The following TFR2 variants were observed in gnomAD, a reference collection of about 807,000 sequenced individuals.
TFR2 encodes the protein transferrin receptor 2, also known as transferrin receptor protein 2.
TFR2 carries 64 observed loss-of-function variants against 91.9 expected under a neutral mutation model. That is an observed-to-expected ratio of 0.70 (90% CI 0.57 to 0.86). TFR2 has a LOEUF of 0.86. TFR2 is among the 40% of genes least tolerant of loss of function. The pLI is 0.00. For missense variants in TFR2, 950 were observed against 1,080.5 expected, an observed-to-expected ratio of 0.88 and a Z score of 1.69; for synonymous variants, 454 against 459.6, an observed-to-expected ratio of 0.99 and a Z score of 0.15.
intron 3 of TFR2, among the ~76,000 whole-genome samples, chr7:100,637,152 C>T (rs1156242430): frequency 6.6e-6 from 1 of 152,068 alleles, no homozygotes; most frequent in African/African-American, 2.4e-5. Context: ...GTAATCCCAG[C>T]ACTTTGGGAG....
intron 9 of TFR2, among the ~76,000 whole-genome samples, chr7:100,629,629 C>T (rs140054060): frequency 6.0e-4 from 92 of 152,368 alleles, no homozygotes; most frequent in African/African-American, 1.9e-3. Flanking sequence ...GTGATCATAG[C>T]TCACTGCAGC....
Position 100,633,352 on chromosome 7 carries a change from G to A in TFR2, c.615-12C>T, listed in dbSNP as rs771264157. 8 of 1,610,898 alleles carry A rather than the reference G, an allele frequency of 5.0e-6. No individual in the cohort carries two copies. The highest frequency in any genetic ancestry group is 1.7e-4 in the Middle Eastern group (1 of 5,964). ...TGTTGGGGTGAGCCCTGGGGAGCGG[G>A]GCTGGTGAGCGCCCCGAGCCGCGTC... On this transcript the variant is annotated splice_polypyrimidine_tract_variant and intron_variant, in intron 4 of 17. Transcript: ENST00000223051.
chr7:100,620,498 T>G lies in TFR2; in HGVS notation c.*359A>C. The G allele has an allele frequency of 4.3e-6, 1 of 233,998 alleles. No homozygotes were observed. Among genetic ancestry groups the G allele is most frequent in the African/African-American group, 2.2e-5 (1 of 44,822 alleles). The allele number at this position is 233,998 out of a possible 1,614,324, so 14.5% of individuals were successfully genotyped here. A position where few individuals can be genotyped will look rare whatever the true frequency, so the allele number is the denominator to read the frequency against. ...AGACCACCTGTTGGCCATAAGGCTA[T>G]GGTGCCAGCGATCTCTCCCACTAAC... On this transcript the variant is annotated 3_prime_UTR_variant, in exon 18 of 18. Transcript: ENST00000223051.
rs747076627 is a variant in TFR2 at position 100,630,908 on chromosome 7, G to A, written c.1251C>T (p.Ile417=). ...STPINNIFGC[I]EGRSEPDHYV... ...GCATACCTGGCTCTGAGCGGCCTTC[G>A]ATGCAGCCGAAGATGTTGTTGATGG... is the stretch of plus-strand genomic sequence containing the variant. Residue 417 remains isoleucine (I), a synonymous_variant, in exon 9 of 18, where the codon ATC becomes ATT. Transcript: ENST00000223051. The A allele has an allele frequency of 2.2e-5, 35 of 1,613,012 alleles. No individual in the cohort carries two copies. The highest frequency in any genetic ancestry group is 1.2e-4 in the African/African-American group (9 of 75,014).
At position 100,627,982 on chromosome 7, in the gene TFR2, A is replaced by AAGGGG. The variant is rs778860645; in HGVS notation, c.1538-13_1538-9dup. 6.2e-7 allele frequency: 1 copy of AAGGGG among 1,613,962 alleles called. No individual in the cohort carries two copies. Among genetic ancestry groups the AAGGGG allele is most frequent in the Admixed American group, 1.7e-5 (1 of 60,020 alleles). On this transcript the variant is annotated splice_polypyrimidine_tract_variant and intron_variant, in intron 12 of 17. Transcript: ENST00000223051. Reference sequence around the variant, plus strand: ...CATGAAACTTGTCATCCCCTGGAAAAAGGGGAGGGGAGGGATGCCAGGCTC... The same window carrying AAGGGG: ...CATGAAACTTGTCATCCCCTGGAAAAAGGGGAGGGGAGGGGAGGGATGCCAGGCTC...
chr7:100,632,551 CTTT>C (rs1266109813), intron 6 of TFR2, among the ~76,000 whole-genome samples: 3 of 127,610 alleles, frequency 2.4e-5, no homozygotes, highest in Admixed American at 7.8e-5. Flanking sequence ...GTTTCTCTCT[CTTT>C]TTTTTTTTTT....
rs1357723414 is a variant in TFR2 at position 100,626,799 on chromosome 7, C to T, written c.2100G>A (p.Glu700=). 1.3e-6 allele frequency: 2 copies of T among 1,548,484 alleles called. No individual in the cohort carries two copies. Among genetic ancestry groups the T allele is most frequent in the African/African-American group, 1.4e-5 (1 of 73,042 alleles). Residue 700 remains glutamate (E), a synonymous_variant, in exon 17 of 18, where the codon GAG becomes GAA. Coordinates refer to ENST00000223051, the MANE Select transcript of TFR2 (RefSeq NM_003227.4). ...GCACGTTGTACATGCGTGTCAGTCG[C>T]TCGTCTCTCTCCTCCGAGCTGTAGA... ...QEIYSSEERD[E]RLTRMYNVRI...
intron 3 of TFR2, among the ~76,000 whole-genome samples, chr7:100,634,055 C>G (rs1803525768): frequency 6.6e-6 from 1 of 151,988 alleles, no homozygotes; most frequent in Admixed American, 6.6e-5. Flanking sequence ...GCGCCGGAGA[C>G]TCTCAGGACC....
intron 3 of TFR2, among the ~76,000 whole-genome samples, chr7:100,639,283 C>T (rs1192185669): frequency 3.3e-5 from 5 of 152,192 alleles, no homozygotes; most frequent in African/African-American, 4.8e-5. Context: ...ATGAGAATCG[C>T]GTGAACCTGG....
intron 17 of TFR2, 79 bp downstream of exon 17, chr7:100,626,684 G>C: frequency 2.0e-6 from 3 of 1,523,106 alleles, no homozygotes; most frequent in Non-Finnish European, 2.6e-6. Flanking sequence ...GGAGCGCGCA[G>C]ACGGGGCCAG....
intron 17 of TFR2, among the ~76,000 whole-genome samples, chr7:100,625,198 T>C (rs1584454484): frequency 6.6e-6 from 1 of 151,858 alleles, no homozygotes; most frequent in South Asian, 2.1e-4. Context: ...TAGCTGGGAT[T>C]ACAGGCGTGT....
chr7:100,635,085 C>G (rs1388738659), intron 3 of TFR2, among the ~76,000 whole-genome samples: 1 of 150,076 alleles, frequency 6.7e-6, no homozygotes, highest in African/African-American at 2.5e-5. Flanking sequence ...ACCACAGGCG[C>G]CTACCACCAC....
At chr7:100,635,171 C>T (rs913011793) in intron 3 of TFR2, among the ~76,000 whole-genome samples, 1 of 151,946 alleles carries the variant, frequency 6.6e-6, no homozygotes, top group African/African-American at 2.4e-5. Context: ...AACTCCTGGC[C>T]TCAGGCAATC....
At chr7:100,637,318 G>C (rs1301694713) in intron 3 of TFR2, among the ~76,000 whole-genome samples, 1 of 151,926 alleles carries the variant, frequency 6.6e-6, no homozygotes, top group Admixed American at 6.6e-5. Flanking sequence ...AGAATCGCTT[G>C]AACCCGGGAG....
chr7:100,641,011 T>G lies in TFR2; in HGVS notation c.251A>C (p.Tyr84Ser), dbSNP rs1172644275. 6.2e-7 allele frequency: 1 copy of G among 1,604,614 alleles called. No individual in the cohort carries two copies. The highest frequency in any genetic ancestry group is 2.2e-5 in the East Asian group (1 of 44,682). The change falls in exon 2 of 18, where the codon TAC becomes TCC. Residue 84 changes from tyrosine (Y) to serine (S), a missense_variant. Physicochemically the swap from Tyr to Ser is moderately radical, Grantham distance 144 (BLOSUM62 -2). Coordinates refer to ENST00000223051, the MANE Select transcript of TFR2 (RefSeq NM_003227.4). Reference protein sequence around the residue: ...WAAAGRRAAPYLVLTALLIFT... With the variant: ...WAAAGRRAAPSLVLTALLIFT... The stretch of plus-strand genomic sequence containing the variant: ...GATCAGCAGGGCCGTCAGGACCAGG[T>G]AGGGGGCAGCCCTCCGTCCTGCTGC...
chr7:100,630,752 C>T, intron 9 of TFR2, 137 bp downstream of exon 9: 1 of 1,258,966 alleles, frequency 7.9e-7, no homozygotes, highest in Non-Finnish European at 1.1e-6. Flanking sequence ...CCTCAACTTG[C>T]CAGCTTCCCT....
chr7:100,630,756 C>T, intron 9 of TFR2, 133 bp downstream of exon 9: 2 of 1,301,590 alleles, frequency 1.5e-6, no homozygotes, highest in Non-Finnish European at 2.1e-6. Flanking sequence ...AACTTGCCAG[C>T]TTCCCTCCTC....
rs1340234682 is a variant in TFR2, at chr7:100,633,564, G to A, written c.474-8C>T. ...TCCCGAAGGCTGGTTTGCCTAAGCGGGGAGAGGTGGGGACTTTTCTGGGCG... is the reference window on the plus strand; with the variant it reads ...TCCCGAAGGCTGGTTTGCCTAAGCGAGGAGAGGTGGGGACTTTTCTGGGCG... On this transcript the variant is annotated splice_region_variant and splice_polypyrimidine_tract_variant and intron_variant, in intron 3 of 17. Coordinates refer to ENST00000223051, the MANE Select transcript of TFR2 (RefSeq NM_003227.4). 6.3e-7 allele frequency: 1 copy of A among 1,597,460 alleles called. No homozygotes were observed. The highest frequency in any genetic ancestry group is 1.1e-5 in the South Asian group (1 of 90,804).
Position 100,620,825 on chromosome 7 carries a change from T to A in TFR2, c.*32A>T. ...AGCGAGGAGCAGAGGAGCTCTTGAC[T>A]GGGGGACGGGGATGTGAGGATCCCC... is the stretch of plus-strand genomic sequence containing the variant. On this transcript the variant is annotated 3_prime_UTR_variant, in exon 18 of 18. Transcript: ENST00000223051. 1 of 1,613,332 alleles carries A rather than the reference T, an allele frequency of 6.2e-7. No individual in the cohort carries two copies. The highest frequency in any genetic ancestry group is 8.5e-7 in the Non-Finnish European group (1 of 1,179,474).
Sources: gnomAD v4.1 joint callset for allele counts (sites outside exome capture counted in the v4.1 genomes callset) on GRCh38, gnomAD v4.1.1 for gene constraint, MANE v1.5 for transcripts, NCBI Gene and HGNC (gene_info 2026-07-23, HGNC 2026-07-21) for gene names.